RGS9: variants seen among roughly 807,000 people sequenced by gnomAD.
The protein encoded by RGS9 is regulator of G-protein signalling 9.
A neutral mutation model predicts 102.0 loss-of-function variants in RGS9; 78 were observed. The observed-to-expected ratio is 0.76, with a 90% CI of 0.64 to 0.92. RGS9 has a LOEUF of 0.92. Among genes scored for constraint, RGS9 ranks in the 40% least tolerant of loss-of-function variants. The probability of loss-of-function intolerance (pLI) is 0.00; values close to 1 mark genes in which losing one functional copy is unlikely to be tolerated. For synonymous variants in RGS9, 353 were observed against 318.6 expected (o/e 1.11, Z -1.15); for missense variants, 833 against 866.1 (o/e 0.96, Z 0.48).
intron 16 of RGS9, among the ~76,000 whole-genome samples, chr17:65,209,776 C>T (rs2144107994): frequency 6.6e-6 from 1 of 152,332 alleles, no homozygotes; most frequent in Admixed American, 6.5e-5. Context: ...AGAACCATAG[C>T]TTTTGAAAAC....
intron 17 of RGS9, among the ~76,000 whole-genome samples, chr17:65,211,716 G>A (rs1913309337): frequency 6.6e-6 from 1 of 152,198 alleles, no homozygotes. Flanking sequence ...AGACCAGCCT[G>A]ACCAAGCAGG....
At chr17:65,212,366 T>A (rs1428590899) in intron 17 of RGS9, among the ~76,000 whole-genome samples, 1 of 152,156 alleles carries the variant, frequency 6.6e-6, no homozygotes, top group Non-Finnish European at 1.5e-5. Flanking sequence ...GAAATTAATG[T>A]GGTACTGGGA....
At chr17:65,206,382 T>TA (rs2144101507) in intron 15 of RGS9, among the ~76,000 whole-genome samples, 1 of 152,314 alleles carries the variant, frequency 6.6e-6, no homozygotes, top group Middle Eastern at 3.4e-3. Context: ...TTTTGGTTCT[T>TA]AAAAATGTAG....
rs1912461238 is a variant in RGS9 at position 65,193,555 on chromosome 17, C to G, written c.759C>G (p.Tyr253Ter). ...GTTTCCTTTTCAGGATTGTGAAATA[C>G]AGTGAGCAGTTCTCATCCAACGATG... ...SSVSLGGIVK[Y>*]SEQFSSNDAI... The change falls in exon 12 of 19, where the codon TAC becomes TAG. Residue 253 changes from tyrosine (Y) to a stop codon, truncating the protein, a stop_gained. Coordinates refer to ENST00000262406, the MANE Select transcript of RGS9 (RefSeq NM_003835.4). LOFTEE classifies it high-confidence loss of function. 1 of 1,609,834 alleles carries G rather than the reference C, an allele frequency of 6.2e-7. No homozygotes were observed.
At chr17:65,151,289 G>A (rs536403308) in intron 1 of RGS9, among the ~76,000 whole-genome samples, 3 of 151,026 alleles carry the variant, frequency 2.0e-5, no homozygotes, top group East Asian at 3.9e-4. Flanking sequence ...CGGTTGCAGT[G>A]AGCCAAGATC....
At chr17:65,189,914 T>C (rs74618450) in intron 10 of RGS9, among the ~76,000 whole-genome samples, 3,828 of 152,208 alleles carry the variant, frequency 0.025, 63 homozygotes, top group Non-Finnish European at 0.036. Context: ...GTGTCTCAGT[T>C]GAATGCTCCT....
intron 8 of RGS9, among the ~76,000 whole-genome samples, chr17:65,170,048 CTTTTTT>C (rs993959757): frequency 5.7e-5 from 7 of 122,128 alleles, no homozygotes; most frequent in African/African-American, 1.9e-4. Context: ...CTTCTGCATT[CTTTTTT>C]TTTTTTTTTT....
chr17:65,208,933 T>C (rs1316930305), intron 16 of RGS9, among the ~76,000 whole-genome samples: 3 of 152,220 alleles, frequency 2.0e-5, no homozygotes, highest in Non-Finnish European at 2.9e-5. Context: ...AAGGTCTTTG[T>C]GGTGCTATTC....
At chr17:65,167,699 G>A (rs1266938237) in intron 7 of RGS9, among the ~76,000 whole-genome samples, 6 of 152,212 alleles carry the variant, frequency 3.9e-5, no homozygotes, top group Admixed American at 6.5e-5. Flanking sequence ...ACAGGGAAAA[G>A]TTAAGAAGCC....
chr17:65,139,247 C>T (rs1307607408), intron 1 of RGS9, among the ~76,000 whole-genome samples: 1 of 148,592 alleles, frequency 6.7e-6, no homozygotes, highest in Non-Finnish European at 1.5e-5. Flanking sequence ...TAACCTCCCC[C>T]TCCTGCATCC....
intron 17 of RGS9, among the ~76,000 whole-genome samples, chr17:65,218,309 G>A (rs1053061040): frequency 4.6e-5 from 7 of 152,194 alleles, no homozygotes; most frequent in Non-Finnish European, 8.8e-5. Flanking sequence ...GACTACTTTC[G>A]ATGCAGAACT....
At chr17:65,221,915 C>T (rs896681535) in intron 17 of RGS9, among the ~76,000 whole-genome samples, 2 of 152,254 alleles carry the variant, frequency 1.3e-5, no homozygotes, top group African/African-American at 2.4e-5. Flanking sequence ...CTTCCTAATA[C>T]TATCACCTGC....
In RGS9 at chr17:65,190,179, T is replaced by C. The variant is rs767432096; in HGVS notation, c.689T>C (p.Met230Thr). The C allele has an allele frequency of 3.1e-6, 5 of 1,612,958 alleles. No homozygotes were observed. The highest frequency in any genetic ancestry group is 1.7e-4 in the Middle Eastern group (1 of 6,058). Residue 230 changes from methionine to threonine, a missense_variant, in exon 11 of 19, where the codon ATG becomes ACG. Coordinates refer to ENST00000262406, the MANE Select transcript of RGS9 (RefSeq NM_003835.4). The part of the protein sequence containing the change: ...QTVVAVKKEI[M>T]YYQQALMRST... ...TAACAACTGTGTCTCTTCCAGATCATGTATTACCAACAGGCCTTGATGAGG... is the reference window on the plus strand; with the variant it reads ...TAACAACTGTGTCTCTTCCAGATCACGTATTACCAACAGGCCTTGATGAGG...
intron 12 of RGS9, among the ~76,000 whole-genome samples, chr17:65,195,545 T>G (rs8073736): frequency 0.023 from 3,483 of 152,214 alleles, 131 homozygotes; most frequent in African/African-American, 0.08. Context: ...AACCCCGTTT[T>G]TAGTCTTATA....
At chr17:65,142,634 G>A (rs1910201270) in intron 1 of RGS9, among the ~76,000 whole-genome samples, 1 of 149,762 alleles carries the variant, frequency 6.7e-6, no homozygotes, top group Admixed American at 6.7e-5. Flanking sequence ...TCAGGCTGGA[G>A]TACAGTGGCG....
At position 65,225,476 on chromosome 17, in the gene RGS9, A is replaced by G; in HGVS notation, c.1882A>G (p.Arg628Gly). 1 of 1,602,496 alleles carries G rather than the reference A, an allele frequency of 6.2e-7. No homozygotes were observed. The highest frequency in any genetic ancestry group is 8.5e-7 in the Non-Finnish European group (1 of 1,179,960). Residue 628 changes from arginine (R) to glycine (G), a missense_variant, in exon 18 of 19, where the codon AGA (arginine) becomes GGA (glycine). By Grantham distance (125) the Arg-to-Gly change is moderately radical. This residue lies in a region of RGS9 where 320 missense variants were observed against 276.8 expected (regional missense o/e 1.16). Coordinates refer to ENST00000262406, the MANE Select transcript of RGS9 (RefSeq NM_003835.4). Reference protein sequence around the residue: ...GQQLPRLKSKRVANFFQIKMD... With the variant: ...GQQLPRLKSKGVANFFQIKMD... Reference sequence around the variant, plus strand: ...GCAGCTGCCACGATTGAAATCCAAGAGAGTAGCAAAGTAAGAACCCGAAGG... The same window carrying G: ...GCAGCTGCCACGATTGAAATCCAAGGGAGTAGCAAAGTAAGAACCCGAAGG...
chr17:65,139,755 C>T (rs999967794), intron 1 of RGS9, among the ~76,000 whole-genome samples: 3 of 152,212 alleles, frequency 2.0e-5, no homozygotes, highest in Non-Finnish European at 4.4e-5. Flanking sequence ...TTGCTCTTTC[C>T]CTAGACCTTG....
chr17:65,146,127 A>G (rs392449), intron 1 of RGS9, among the ~76,000 whole-genome samples: 55,723 of 152,042 alleles, frequency 0.37, 14,561 homozygotes, highest in African/African-American at 0.75. Flanking sequence ...ACTTTCTATC[A>G]GAGAAACTCG....
chr17:65,193,435 C>T (rs769160931), intron 11 of RGS9, 108 bp from the exon 12 acceptor site: 5 of 760,690 alleles, frequency 6.6e-6, no homozygotes, highest in Non-Finnish European at 1.2e-5. Context: ...ATAAGTATGT[C>T]ACCAAATCGA....
Sources: allele counts gnomAD v4.1 joint callset (sites outside exome capture counted in the v4.1 genomes callset), GRCh38; gene constraint gnomAD v4.1.1; regional missense constraint gnomAD v4.1.1; transcripts MANE v1.5; gene names NCBI Gene and HGNC (gene_info 2026-07-23, HGNC 2026-07-21).